HIPK3: variants seen among roughly 807,000 people sequenced by gnomAD.
HIPK3 encodes the protein homeodomain interacting protein kinase 3.
HIPK3 carries 47 observed loss-of-function variants against 124.2 expected under a neutral mutation model. The ratio of observed to expected loss-of-function variants is 0.38; its 90% CI spans 0.30 to 0.48. The LOEUF (loss-of-function observed/expected upper bound fraction) is 0.48, where lower values mean the gene tolerates loss of function less well. HIPK3 is among the 20% of genes least tolerant of loss of function. The probability of loss-of-function intolerance (pLI) is 0.98; values close to 1 mark genes in which losing one functional copy is unlikely to be tolerated. For missense variants in HIPK3, 1,286 were observed against 1,454.3 expected, an observed-to-expected ratio of 0.88 and a Z score of 1.88; for synonymous variants, 482 against 515.2, an observed-to-expected ratio of 0.94 and a Z score of 0.87.
At chr11:33,325,776 T>G (rs1852794627) in intron 2 of HIPK3, among the ~76,000 whole-genome samples, 1 of 152,158 alleles carries the variant, frequency 6.6e-6, no homozygotes, top group Non-Finnish European at 1.5e-5. Flanking sequence ...TTTGATAGCT[T>G]TTTTTGGTAC....
chr11:33,325,576 G>A (rs752873373), intron 2 of HIPK3, among the ~76,000 whole-genome samples: 3 of 152,030 alleles, frequency 2.0e-5, no homozygotes, highest in Non-Finnish European at 4.4e-5. Context: ...CTTGTGCCCC[G>A]TTCTCTTTCT....
intron 1 of HIPK3, among the ~76,000 whole-genome samples, chr11:33,273,314 C>A (rs1851185251): frequency 6.6e-6 from 1 of 151,974 alleles, no homozygotes; most frequent in Admixed American, 6.6e-5. Context: ...ACCATCCTGG[C>A]TAACACGGTG....
intron 2 of HIPK3, among the ~76,000 whole-genome samples, chr11:33,321,458 A>C (rs1322338387): frequency 1.3e-5 from 2 of 152,162 alleles, no homozygotes; most frequent in African/African-American, 2.4e-5. Context: ...GAATTGTCCT[A>C]TAGAGAAAGA....
In HIPK3 at chr11:33,286,824, A is replaced by G. The variant is rs763068533; in HGVS notation, c.410A>G (p.His137Arg). The G allele has an allele frequency of 1.9e-6, 3 of 1,614,076 alleles. No individual in the cohort carries two copies. Among genetic ancestry groups the G allele is most frequent in the South Asian group, 2.2e-5 (2 of 91,090 alleles). Residue 137 changes from histidine (H) to arginine (R), a missense_variant, in exon 2 of 17, where the codon CAT becomes CGT. His to Arg is a conservative substitution (Grantham distance 29). Coordinates refer to ENST00000303296, the MANE Select transcript of HIPK3 (RefSeq NM_005734.5). Reference sequence around the variant, plus strand: ...CGCAAGAGTGAGGAGTTGGATAATCATAGCAGCGCAATGCAGATTGTCGAT... The same window carrying G: ...CGCAAGAGTGAGGAGTTGGATAATCGTAGCAGCGCAATGCAGATTGTCGAT... ...LKRKSEELDN[H>R]SSAMQIVDEL...
chr11:33,261,169 CATTATATAAAATATAT>C (rs1850814310), intron 1 of HIPK3, among the ~76,000 whole-genome samples: 1 of 144,428 alleles, frequency 6.9e-6, no homozygotes, highest in Non-Finnish European at 1.5e-5. Context: ...ATATATAATA[CATTATATAAAATATAT>C]ATTATATATA....
intron 2 of HIPK3, among the ~76,000 whole-genome samples, chr11:33,312,349 A>T (rs543214996): frequency 6.6e-6 from 1 of 152,290 alleles, no homozygotes; most frequent in Admixed American, 6.5e-5. Flanking sequence ...TATGTGGAAG[A>T]GTGCTATATT....
At chr11:33,350,561 C>T (rs1345546009) in intron 14 of HIPK3, among the ~76,000 whole-genome samples, 1 of 151,166 alleles carries the variant, frequency 6.6e-6, no homozygotes, top group Non-Finnish European at 1.5e-5. Flanking sequence ...GTAGTGCTAG[C>T]TACTCAGGAG....
rs148115106 is a variant in HIPK3 at position 33,307,064 on chromosome 11, C to T, written c.1097+19553C>T. 3.3e-5 allele frequency among the ~76,000 whole-genome samples: 5 copies of T among 152,080 alleles called. No individual in the cohort carries two copies. In the South Asian group the frequency reaches 1.0e-3, roughly 32 times the overall value. Reference sequence around the variant, plus strand: ...AGCACTTCTCCCTTCCTCACATCCCCAGTGGCTGGGATTATAGGCATCCGC... The same window carrying T: ...AGCACTTCTCCCTTCCTCACATCCCTAGTGGCTGGGATTATAGGCATCCGC... On this transcript the variant is annotated intron_variant, in intron 2 of 16. Coordinates refer to ENST00000303296, the MANE Select transcript of HIPK3 (RefSeq NM_005734.5).
At chr11:33,351,388 C>T (rs960969100) in intron 14 of HIPK3, among the ~76,000 whole-genome samples, 6 of 151,808 alleles carry the variant, frequency 4.0e-5, no homozygotes, top group African/African-American at 1.5e-4. Context: ...AATGATGTTC[C>T]TGAAATGGAA....
intron 1 of HIPK3, among the ~76,000 whole-genome samples, chr11:33,281,754 G>C (rs931317690): frequency 6.6e-6 from 1 of 151,928 alleles, no homozygotes; most frequent in African/African-American, 2.4e-5. Flanking sequence ...TTTTCAGGTA[G>C]CAGTATTCAG....
intron 5 of HIPK3, 66 bp from the exon 6 acceptor site, chr11:33,339,284 G>C: frequency 2.5e-6 from 3 of 1,194,200 alleles, no homozygotes; most frequent in Non-Finnish European, 3.6e-6. Context: ...ATTTTTTAAC[G>C]GTGGAATTTA....
intron 6 of HIPK3, among the ~76,000 whole-genome samples, chr11:33,340,283 C>T (rs548029399): frequency 1.5e-4 from 23 of 152,266 alleles, no homozygotes; most frequent in African/African-American, 5.1e-4. Flanking sequence ...ACCATGTCAC[C>T]CAGGTTGGTC....
At chr11:33,303,510 G>T (rs1852064620) in intron 2 of HIPK3, among the ~76,000 whole-genome samples, 1 of 151,986 alleles carries the variant, frequency 6.6e-6, no homozygotes, top group Admixed American at 6.6e-5. Context: ...AAGGTTATTA[G>T]TTTTTTTTCC....
At chr11:33,305,886 A>C (rs1852144251) in intron 2 of HIPK3, among the ~76,000 whole-genome samples, 1 of 151,668 alleles carries the variant, frequency 6.6e-6, no homozygotes, top group Non-Finnish European at 1.5e-5. Flanking sequence ...TCACTGTGTC[A>C]TCCAGGCTGG....
In HIPK3 at chr11:33,287,336, A is replaced by G; in HGVS notation, c.922A>G (p.Thr308Ala). 2 of 1,614,164 alleles carry G rather than the reference A, an allele frequency of 1.2e-6. No individual in the cohort carries two copies. Among genetic ancestry groups the G allele is most frequent in the Non-Finnish European group, 1.7e-6 (2 of 1,180,000 alleles). The change falls in exon 2 of 17, where the codon ACT becomes GCT. Residue 308 changes from threonine to alanine, a missense_variant. Transcript: ENST00000303296. ...TCGGCCCATTCTTCAACAAGTGGCC[A>G]CTGCACTGAAAAAATTGAAAAGTCT... ...VIRPILQQVA[T>A]ALKKLKSLGL...
In HIPK3 at chr11:33,257,482, C is replaced by T. The variant is rs1370524227; in HGVS notation, c.-410C>T. ...ACCACTCCCGCCAGTCTTCCTTCTC[C>T]GCTCCCGGCCGGGGCGTCAGGAATG... On this transcript the variant is annotated 5_prime_UTR_variant, in exon 1 of 17. Transcript: ENST00000303296. The T allele has an allele frequency of 2.0e-6, 2 of 985,794 alleles. No individual in the cohort carries two copies. The highest frequency in any genetic ancestry group is 1.2e-6 in the Non-Finnish European group (1 of 830,298). The allele number at this position is 985,794 out of a possible 1,614,324, so 61.1% of individuals were successfully genotyped here.
intron 1 of HIPK3, among the ~76,000 whole-genome samples, chr11:33,270,038 C>T (rs1358627957): frequency 6.6e-6 from 1 of 152,076 alleles, no homozygotes; most frequent in Non-Finnish European, 1.5e-5. Context: ...AGTACAGTGG[C>T]GTGACCTTGG....
At chr11:33,348,103 CA>C (rs1427152750) in intron 11 of HIPK3, 62 bp from the exon 12 acceptor site, 1 of 1,604,394 alleles carries the variant, frequency 6.2e-7, no homozygotes, top group African/African-American at 1.3e-5. Context: ...CTGTTGTATT[CA>C]AAATGACCTC....
At chr11:33,258,573 TTC>T (rs776373557) in intron 1 of HIPK3, 119 of 985,306 alleles carry the variant, frequency 1.2e-4, no homozygotes, top group Non-Finnish European at 1.4e-4. Flanking sequence ...TGTTGCCGGC[TTC>T]TCTCGTTACG....
Sources: gnomAD v4.1 joint callset for allele counts (sites outside exome capture counted in the v4.1 genomes callset) on GRCh38, gnomAD v4.1.1 for gene constraint, MANE v1.5 for transcripts, NCBI Gene and HGNC (gene_info 2026-07-23, HGNC 2026-07-21) for gene names.